CPQ: variants seen among roughly 807,000 people sequenced by gnomAD.
CPQ encodes Ser-Met dipeptidase.
In CPQ, 37 loss-of-function variants were observed where a neutral mutation model predicts 45.7. The observed-to-expected ratio is 0.81, with a 90% confidence interval of 0.62 to 1.07. CPQ has a LOEUF of 1.07. CPQ is among the 50% of genes least tolerant of loss of function. The pLI, the probability that CPQ is intolerant of heterozygous loss-of-function variation, is 0.00. For missense variants in CPQ, 537 were observed against 572.9 expected (o/e 0.94, Z 0.64); for synonymous variants, 186 against 205.8 (o/e 0.90, Z 0.82).
At chr8:96,962,952 T>C (rs543124904) in intron 4 of CPQ, among the ~76,000 whole-genome samples, 1 of 152,298 alleles carries the variant, frequency 6.6e-6, no homozygotes, top group South Asian at 2.1e-4. Flanking sequence ...CCAGAGAATA[T>C]GTAATCATTC....
chr8:96,683,067 T>C (rs1485130668), intron 1 of CPQ, among the ~76,000 whole-genome samples: 1 of 152,194 alleles, frequency 6.6e-6, no homozygotes. Context: ...TGGTTTTCTT[T>C]AGCGGTAATG....
chr8:96,754,346 GCA>G (rs1810301843), intron 1 of CPQ, among the ~76,000 whole-genome samples: 1 of 151,982 alleles, frequency 6.6e-6, no homozygotes, highest in South Asian at 2.1e-4. Flanking sequence ...TGCTTTTCAA[GCA>G]CACTCACAAT....
At position 96,835,052 on chromosome 8, in the gene CPQ, T is replaced by G. The variant is rs1811509477; in HGVS notation, c.513T>G (p.Val171=). The G allele has an allele frequency of 6.2e-7, 1 of 1,613,700 alleles. No homozygotes were observed. The highest frequency in any genetic ancestry group is 8.5e-7 in the Non-Finnish European group (1 of 1,179,784). ...CCTCAGAAGCAAGAGGGAAGATTGTTGTTTATAACCAACCTTACATCAACT... is the reference window on the plus strand; with the variant it reads ...CCTCAGAAGCAAGAGGGAAGATTGTGGTTTATAACCAACCTTACATCAACT... The part of the protein sequence containing the change: ...RRASEARGKI[V]VYNQPYINYS... Residue 171 remains valine (V), a synonymous_variant, in exon 3 of 8, where the codon GTT becomes GTG. Coordinates refer to ENST00000220763, the MANE Select transcript of CPQ (RefSeq NM_016134.4).
At chr8:96,753,501 T>TAATCAC (rs201955603) in intron 1 of CPQ, among the ~76,000 whole-genome samples, 3 of 151,462 alleles carry the variant, frequency 2.0e-5, no homozygotes, top group Non-Finnish European at 3.0e-5. Context: ...TATCTTTCCA[T>TAATCAC]TTGTTTAAGT....
At chr8:97,082,348 C>A (rs1810964288) in intron 7 of CPQ, among the ~76,000 whole-genome samples, 1 of 151,916 alleles carries the variant, frequency 6.6e-6, no homozygotes, top group Non-Finnish European at 1.5e-5. Flanking sequence ...CCTATCTGAC[C>A]CGGTTGGAAA....
chr8:96,739,211 G>C (rs1282412116), intron 1 of CPQ, among the ~76,000 whole-genome samples: 1 of 148,832 alleles, frequency 6.7e-6, no homozygotes, highest in Non-Finnish European at 1.5e-5. Context: ...CTGATGGCCA[G>C]TGATGGTGAG....
At chr8:96,714,872 G>A (rs2130756823) in intron 1 of CPQ, among the ~76,000 whole-genome samples, 1 of 152,088 alleles carries the variant, frequency 6.6e-6, no homozygotes, top group East Asian at 1.9e-4. Flanking sequence ...GCCTAATGAA[G>A]CTCTTGGTGC....
intron 6 of CPQ, among the ~76,000 whole-genome samples, chr8:97,040,169 G>A (rs1322793374): frequency 1.3e-5 from 2 of 150,546 alleles, no homozygotes; most frequent in African/African-American, 4.9e-5. Context: ...TTTAATGATT[G>A]CCATTCTAAC....
At chr8:96,833,796 A>G (rs1811490535) in intron 2 of CPQ, among the ~76,000 whole-genome samples, 1 of 152,216 alleles carries the variant, frequency 6.6e-6, no homozygotes. Flanking sequence ...AGTCTGGATC[A>G]TGGTACCAGG....
intron 4 of CPQ, among the ~76,000 whole-genome samples, chr8:96,937,616 G>A (rs1813068880): frequency 6.6e-6 from 1 of 152,172 alleles, no homozygotes; most frequent in East Asian, 1.9e-4. Context: ...CCATGACACA[G>A]CTCAGCCTGC....
intron 4 of CPQ, among the ~76,000 whole-genome samples, chr8:96,890,431 G>A (rs1383565009): frequency 6.6e-6 from 1 of 152,104 alleles, no homozygotes; most frequent in African/African-American, 2.4e-5. Flanking sequence ...TTGGTGTAGT[G>A]ACCCAAACCT....
chr8:96,669,225 C>T (rs1306908685), intron 1 of CPQ, among the ~76,000 whole-genome samples: 2 of 152,228 alleles, frequency 1.3e-5, no homozygotes, highest in African/African-American at 4.8e-5. Context: ...AATAATGCAC[C>T]TCTCCCTTGC....
chr8:97,027,618 T>C (rs1809825000), intron 5 of CPQ, among the ~76,000 whole-genome samples: 2 of 152,232 alleles, frequency 1.3e-5, no homozygotes, highest in Admixed American at 1.3e-4. Flanking sequence ...TGTCTGCCTT[T>C]TTCAAATATA....
intron 2 of CPQ, among the ~76,000 whole-genome samples, chr8:96,820,223 C>T (rs1811282805): frequency 6.6e-6 from 1 of 152,022 alleles, no homozygotes; most frequent in Non-Finnish European, 1.5e-5. Context: ...GGCATTGTCC[C>T]TGTAAACTTT....
intron 1 of CPQ, among the ~76,000 whole-genome samples, chr8:96,777,753 TA>T (rs1810631526): frequency 7.9e-4 from 11 of 13,932 alleles, no homozygotes; most frequent in African/African-American, 2.0e-3. Context: ...TATATATATA[TA>T]TATATATTTT....
chr8:97,049,457 T>C (rs1167408641), intron 6 of CPQ, among the ~76,000 whole-genome samples: 1 of 152,210 alleles, frequency 6.6e-6, no homozygotes, highest in African/African-American at 2.4e-5. Context: ...AACTTACTTT[T>C]ATTTTTAAAA....
intron 1 of CPQ, among the ~76,000 whole-genome samples, chr8:96,775,561 G>A (rs1430994695): frequency 6.6e-6 from 1 of 152,066 alleles, no homozygotes; most frequent in Non-Finnish European, 1.5e-5. Context: ...GTCAAGTTCT[G>A]CACAAAACAC....
chr8:97,131,910 G>GT (rs148735023), intron 7 of CPQ, among the ~76,000 whole-genome samples: 2,044 of 152,192 alleles, frequency 0.013, 57 homozygotes, highest in African/African-American at 0.046. Flanking sequence ...TGTTGCTTCT[G>GT]TTTTTTGTCT....
At chr8:96,869,244 G>C (rs1262191523) in intron 3 of CPQ, among the ~76,000 whole-genome samples, 1 of 151,886 alleles carries the variant, frequency 6.6e-6, no homozygotes, top group East Asian at 1.9e-4. Flanking sequence ...CCTTCATTTA[G>C]ACCATTTGGA....
Sources: gnomAD v4.1 joint callset for allele counts (sites outside exome capture counted in the v4.1 genomes callset) on GRCh38, gnomAD v4.1.1 for gene constraint, MANE v1.5 for transcripts, NCBI Gene and HGNC (gene_info 2026-07-23, HGNC 2026-07-21) for gene names.